The following PHF24 variants were observed in gnomAD, a reference collection of about 807,000 sequenced individuals.
The protein encoded by PHF24 is Galpha inhibitory interacting protein.
In PHF24, 25 loss-of-function variants were observed where a neutral mutation model predicts 42.6. That is an observed-to-expected ratio of 0.59 (90% CI 0.43 to 0.82). PHF24 has a LOEUF of 0.82. PHF24 is among the 40% of genes least tolerant of loss of function. The pLI, the probability that PHF24 is intolerant of heterozygous loss-of-function variation, is 0.00. For missense variants in PHF24, 470 were observed against 538.1 expected (o/e 0.87, Z 1.25); for synonymous variants, 185 against 204.8 (o/e 0.90, Z 0.83).
At chr9:34,837,171 G>C in the PHF24 span, 2 of 469,698 alleles carry the variant, frequency 4.3e-6, no homozygotes, top group Middle Eastern at 6.5e-4. Flanking sequence ...TGGCATGGTA[G>C]AGTTTTCAGA....
chr9:34,804,913 G>T, the PHF24 span, among the ~76,000 whole-genome samples: 17 of 152,132 alleles, frequency 1.1e-4, no homozygotes, highest in Non-Finnish European at 2.4e-4. Context: ...TCTACTTTCT[G>T]TCTCTATAGC....
At chr9:34,717,171 G>T in the PHF24 span, among the ~76,000 whole-genome samples, 1 of 152,284 alleles carries the variant, frequency 6.6e-6, no homozygotes, top group East Asian at 1.9e-4. Flanking sequence ...ATCTGTCTGG[G>T]TACAGTTGTT....
chr9:34,941,515 CCTT>C, the PHF24 span, among the ~76,000 whole-genome samples: 1 of 152,268 alleles, frequency 6.6e-6, no homozygotes, highest in East Asian at 1.9e-4. Flanking sequence ...AGTCATTTGT[CCTT>C]CTAAGGATGA....
the PHF24 span, chr9:34,680,942 C>A: frequency 6.6e-6 from 1 of 152,154 alleles, no homozygotes. Context: ...CAGCAAGATT[C>A]TGGTTTTACT....
chr9:34,908,846 T>C, the PHF24 span, among the ~76,000 whole-genome samples: 1 of 149,848 alleles, frequency 6.7e-6, no homozygotes, highest in African/African-American at 2.4e-5. Context: ...TCTTTTCTTT[T>C]TTTTTTTTTT....
the PHF24 span, chr9:34,917,858 G>T: frequency 6.6e-7 from 1 of 1,516,596 alleles, no homozygotes; most frequent in African/African-American, 1.4e-5. Context: ...TGCATCGTGT[G>T]TGTGAAGACT....
chr9:34,841,988 C>T, the PHF24 span, among the ~76,000 whole-genome samples: 52 of 152,316 alleles, frequency 3.4e-4, 2 homozygotes, highest in East Asian at 7.3e-3. Flanking sequence ...TTTTTCCCTA[C>T]CCCTTTCATT....
the PHF24 span, among the ~76,000 whole-genome samples, chr9:34,938,291 A>T: frequency 6.6e-6 from 1 of 152,206 alleles, no homozygotes; most frequent in Non-Finnish European, 1.5e-5. Context: ...CTGTTCCCTG[A>T]GTTTCTCCTT....
At chr9:34,899,992 T>C in the PHF24 span, among the ~76,000 whole-genome samples, 1 of 152,116 alleles carries the variant, frequency 6.6e-6, no homozygotes, top group Non-Finnish European at 1.5e-5. Flanking sequence ...AAGAAGGCAC[T>C]CAGCTATGGG....
the PHF24 span, chr9:34,918,223 C>T: frequency 9.8e-3 from 14,684 of 1,494,518 alleles, 188 homozygotes; most frequent in South Asian, 0.043. Context: ...GACCCCTTTT[C>T]GGTGACAGAA....
At chr9:34,719,370 C>T in the PHF24 span, among the ~76,000 whole-genome samples, 2 of 152,166 alleles carry the variant, frequency 1.3e-5, no homozygotes, top group African/African-American at 2.4e-5. Flanking sequence ...TTGTACTCTA[C>T]ATGTGAATTT....
At chr9:34,902,729 T>G in the PHF24 span, among the ~76,000 whole-genome samples, 1 of 152,212 alleles carries the variant, frequency 6.6e-6, no homozygotes, top group African/African-American at 2.4e-5. Context: ...TGTATCCTTT[T>G]CACCATTTAA....
At chr9:34,761,522 C>A in the PHF24 span, among the ~76,000 whole-genome samples, 1 of 151,942 alleles carries the variant, frequency 6.6e-6, no homozygotes, top group Non-Finnish European at 1.5e-5. Context: ...AGATGAAGTA[C>A]CTTCTCAAAT....
the PHF24 span, chr9:34,837,596 A>G: frequency 4.5e-6 from 6 of 1,326,604 alleles, no homozygotes; most frequent in South Asian, 1.3e-5. Context: ...ATAGAGGGAC[A>G]GGATTCATAG....
At chr9:34,741,679 C>T in the PHF24 span, among the ~76,000 whole-genome samples, 3 of 152,220 alleles carry the variant, frequency 2.0e-5, no homozygotes, top group Non-Finnish European at 2.9e-5. Flanking sequence ...ATTTCTCTAT[C>T]GCCTGTCCAG....
chr9:34,894,375 A>G, the PHF24 span: 29 of 398,236 alleles, frequency 7.3e-5, no homozygotes, highest in Non-Finnish European at 1.2e-4. Flanking sequence ...CTCTACCCCA[A>G]GCCAAGCTGA....
At chr9:34,684,191 G>C in the PHF24 span, among the ~76,000 whole-genome samples, 7 of 152,168 alleles carry the variant, frequency 4.6e-5, no homozygotes, top group Admixed American at 4.6e-4. Context: ...TGAAGACCAA[G>C]ACCATATCTA....
chr9:34,803,103 A>G, the PHF24 span, among the ~76,000 whole-genome samples: 16 of 152,276 alleles, frequency 1.1e-4, no homozygotes, highest in African/African-American at 3.4e-4. Context: ...AGCATAAACC[A>G]TGCAGAAAGA....
At chr9:34,805,362 G>A in the PHF24 span, among the ~76,000 whole-genome samples, 49,363 of 152,058 alleles carry the variant, frequency 0.32, 8,621 homozygotes, top group East Asian at 0.56. Context: ...ATCCTCCTCA[G>A]CACTTGTTGT....
Sources: gnomAD v4.1 joint callset for allele counts (sites outside exome capture counted in the v4.1 genomes callset) on GRCh38, gnomAD v4.1.1 for gene constraint, MANE v1.5 for transcripts, NCBI Gene and HGNC (gene_info 2026-07-23, HGNC 2026-07-21) for gene names.